Variants in TERF2IP observed in about 807,000 individuals in gnomAD.
TERF2IP encodes telomeric repeat-binding factor 2-interacting protein 1.
A neutral mutation model predicts 33.3 loss-of-function variants in TERF2IP; 35 were observed. The ratio of observed to expected loss-of-function variants is 1.05; its 90% CI spans 0.80 to 1.39. The LOEUF is 1.39. TERF2IP is among the 40% of genes most tolerant of loss of function. The pLI is 0.00. For synonymous variants in TERF2IP, 253 were observed against 223.2 expected (o/e 1.13, Z -1.19); for missense variants, 583 against 524.8 (o/e 1.11, Z -1.08).
chr16:75,648,228 GGGGCCCTGGCCGA>G lies in TERF2IP; in HGVS notation c.351_363del (p.Leu118ProfsTer21). 1 of 1,544,814 alleles carries G rather than the reference GGGGCCCTGGCCGA, an allele frequency of 6.5e-7. No homozygotes were observed. Among genetic ancestry groups the G allele is most frequent in the Non-Finnish European group, 8.7e-7 (1 of 1,145,566 alleles). On this transcript the variant is annotated frameshift_variant, in exon 1 of 3. Transcript: ENST00000300086. LOFTEE classifies it high-confidence loss of function. The stretch of plus-strand genomic sequence containing the variant: ...GGACACCGGCTCGGAAGCAAAGCCC[GGGGCCCTGGCCGA>G]GGGCGCCGCGGAGCCGGAGCCGCAG...
intron 2 of TERF2IP, among the ~76,000 whole-genome samples, chr16:75,654,857 T>C (rs1365767708): frequency 6.6e-6 from 1 of 151,766 alleles, no homozygotes; most frequent in Admixed American, 6.6e-5. Flanking sequence ...GCCTCCCGAG[T>C]AGCTGGGACT....
rs1468229554 is a variant in TERF2IP at position 75,648,262 on chromosome 16, C to CGCAGCG, written c.384_389dup (p.Gln128_Arg129dup). The CGCAGCG allele has an allele frequency of 6.5e-7, 1 of 1,548,110 alleles. No individual in the cohort carries two copies. The highest frequency in any genetic ancestry group is 1.4e-5 in the African/African-American group (1 of 73,064). On this transcript the variant is annotated inframe_insertion, in exon 1 of 3. Coordinates refer to ENST00000300086, the MANE Select transcript of TERF2IP (RefSeq NM_018975.4). ...GCCGAGGGCGCCGCGGAGCCGGAGC[C>CGCAGCG]GCAGCGGCACGCCGGGCGGATCGCC...
intron 1 of TERF2IP, among the ~76,000 whole-genome samples, chr16:75,652,800 A>G (rs1326661604): frequency 6.6e-6 from 1 of 152,320 alleles, no homozygotes; most frequent in South Asian, 2.1e-4. Flanking sequence ...TTGTTGGGCA[A>G]CTGTCACCAC....
At position 75,648,501 on chromosome 16, in the gene TERF2IP, C is replaced by T; in HGVS notation, c.619C>T (p.Gln207Ter). 1 of 1,585,112 alleles carries T rather than the reference C, an allele frequency of 6.3e-7. No homozygotes were observed. Among genetic ancestry groups the T allele is most frequent in the South Asian group, 1.1e-5 (1 of 87,366 alleles). ...GGACGCGCCGGTGAGCCCCTCCTCC[C>T]AGAAGCTCAAGCGGAAGGCGGAGGA... is the stretch of plus-strand genomic sequence containing the variant. ...LGDAPVSPSS[Q>*]KLKRKAEEDP... Residue 207 changes from glutamine (Q) to a stop codon, truncating the protein, a stop_gained, in exon 1 of 3, where the codon CAG becomes TAG. Coordinates refer to ENST00000300086, the MANE Select transcript of TERF2IP (RefSeq NM_018975.4). LOFTEE classifies it high-confidence loss of function.
chr16:75,653,674 C>G (rs1472618417), intron 1 of TERF2IP, among the ~76,000 whole-genome samples: 1 of 152,154 alleles, frequency 6.6e-6, no homozygotes, highest in Non-Finnish European at 1.5e-5. Flanking sequence ...CTTGCCCAAA[C>G]TCCTGTCTTC....
At position 75,656,345 on chromosome 16, in the gene TERF2IP, G is replaced by A; in HGVS notation, c.934G>A (p.Gly312Arg). 6.2e-7 allele frequency: 1 copy of A among 1,614,084 alleles called. No homozygotes were observed. Among genetic ancestry groups the A allele is most frequent in the Non-Finnish European group, 8.5e-7 (1 of 1,179,944 alleles). ...AGAAAAAGTTTCTCAACCAGAGGTGGGAGCTGCCATTAAGATCATTCGGCA... is the reference window on the plus strand; with the variant it reads ...AGAAAAAGTTTCTCAACCAGAGGTGAGAGCTGCCATTAAGATCATTCGGCA... The part of the protein sequence containing the change: ...EEEKVSQPEV[G>R]AAIKIIRQLM... The change falls in exon 3 of 3, where the codon GGA becomes AGA. Residue 312 changes from glycine (G) to arginine (R), a missense_variant. Coordinates refer to ENST00000300086, the MANE Select transcript of TERF2IP (RefSeq NM_018975.4).
At chr16:75,649,413 G>T (rs1390281484) in intron 1 of TERF2IP, among the ~76,000 whole-genome samples, 3 of 152,012 alleles carry the variant, frequency 2.0e-5, no homozygotes, top group African/African-American at 7.2e-5. Flanking sequence ...CCGTGGCGGA[G>T]AGTTCCTGTA....
chr16:75,648,370 T>C lies in TERF2IP; in HGVS notation c.488T>C (p.Leu163Ser), dbSNP rs1190156945. 2 of 1,604,452 alleles carry C rather than the reference T, an allele frequency of 1.2e-6. No individual in the cohort carries two copies. The highest frequency in any genetic ancestry group is 3.4e-5 in the Admixed American group (2 of 58,470). Reference protein sequence around the residue: ...RSPSSVTGNALWKAMEKSSLT... With the variant: ...RSPSSVTGNASWKAMEKSSLT... ...CCCAGCTCCGTCACCGGTAACGCCT[T>C]GTGGAAAGCGATGGAGAAGAGCTCG... Residue 163 changes from leucine to serine, a missense_variant, in exon 1 of 3, where the codon TTG becomes TCG. By Grantham distance (145) the Leu-to-Ser change is moderately radical (BLOSUM62 -2). Transcript: ENST00000300086.
At chr16:75,650,852 A>G (rs1441419083) in intron 1 of TERF2IP, among the ~76,000 whole-genome samples, 1 of 152,142 alleles carries the variant, frequency 6.6e-6, no homozygotes, top group Non-Finnish European at 1.5e-5. Context: ...ACTTGCTTTT[A>G]AATCCGTGAT....
Position 75,656,653 on chromosome 16 carries a change from G to T in TERF2IP, c.*42G>T. The T allele has an allele frequency of 6.5e-7, 1 of 1,532,864 alleles. No individual in the cohort carries two copies. The highest frequency in any genetic ancestry group is 1.3e-5 in the South Asian group (1 of 77,464). 95.0% of individuals were successfully genotyped at this position (1,532,864 alleles called of 1,614,324 possible). On this transcript the variant is annotated 3_prime_UTR_variant, in exon 3 of 3. Transcript: ENST00000300086. ...AAAAGAAAAAAGTCATGGTAGGTGA[G>T]GTGGTTAAAAAAAATTGTGACCAAT... is the stretch of plus-strand genomic sequence containing the variant.
At chr16:75,650,701 A>T (rs998430453) in intron 1 of TERF2IP, among the ~76,000 whole-genome samples, 2 of 151,884 alleles carry the variant, frequency 1.3e-5, no homozygotes, top group Non-Finnish European at 2.9e-5. Flanking sequence ...ATACCTAGCT[A>T]ATTTTTGTAT....
At position 75,654,296 on chromosome 16, in the gene TERF2IP, G is replaced by C; in HGVS notation, c.694G>C (p.Asp232His). ...AGAACCACAGAATAAGAGAACTCCA[G>C]ATTTGCCTGAAGAAGAGTATGTGAA... ...SGEPQNKRTP[D>H]LPEEEYVKEE... The change falls in exon 2 of 3, where the codon GAT (aspartate) becomes CAT (histidine). Residue 232 changes from aspartate (D) to histidine (H), a missense_variant. By Grantham distance (81) the Asp-to-His change is moderately conservative. Transcript: ENST00000300086. 6.2e-7 allele frequency: 1 copy of C among 1,613,670 alleles called. No homozygotes were observed. The highest frequency in any genetic ancestry group is 2.2e-5 in the East Asian group (1 of 44,856).
At chr16:75,652,522 C>T (rs1019711595) in intron 1 of TERF2IP, among the ~76,000 whole-genome samples, 2 of 152,182 alleles carry the variant, frequency 1.3e-5, no homozygotes, top group African/African-American at 4.8e-5. Context: ...TACTTTTCAT[C>T]CCAACTTCCT....
At chr16:75,654,431 C>T in intron 2 of TERF2IP, 34 bp downstream of exon 2, 1 of 1,600,278 alleles carries the variant, frequency 6.2e-7, no homozygotes, top group Non-Finnish European at 8.5e-7. Context: ...TATTTTTTTC[C>T]CTACCTTCAT....
Position 75,656,652 on chromosome 16 carries a change from A to T in TERF2IP, c.*41A>T, listed in dbSNP as rs1174441055. 6.5e-7 allele frequency: 1 copy of T among 1,533,808 alleles called. No individual in the cohort carries two copies. The highest frequency in any genetic ancestry group is 1.4e-5 in the African/African-American group (1 of 71,916). ...GAAAAGAAAAAAGTCATGGTAGGTG[A>T]GGTGGTTAAAAAAAATTGTGACCAA... On this transcript the variant is annotated 3_prime_UTR_variant, in exon 3 of 3. Coordinates refer to ENST00000300086, the MANE Select transcript of TERF2IP (RefSeq NM_018975.4).
Position 75,656,329 on chromosome 16 carries a change from T to C in TERF2IP, c.918T>C (p.Val306=), listed in dbSNP as rs1280915634. 1.2e-6 allele frequency: 2 copies of C among 1,613,916 alleles called. No individual in the cohort carries two copies. Among genetic ancestry groups the C allele is most frequent in the Admixed American group, 1.7e-5 (1 of 59,992 alleles). Residue 306 remains valine, a synonymous_variant, in exon 3 of 3, where the codon GTT becomes GTC. Coordinates refer to ENST00000300086, the MANE Select transcript of TERF2IP (RefSeq NM_018975.4). The stretch of plus-strand genomic sequence containing the variant: ...AGGAAGAAGAAGAAGAAGAAAAAGT[T>C]TCTCAACCAGAGGTGGGAGCTGCCA... ...DEEEEEEEEK[V]SQPEVGAAIK... is the part of the protein sequence containing the mutation.
At chr16:75,652,110 T>C (rs1004410086) in intron 1 of TERF2IP, among the ~76,000 whole-genome samples, 1 of 152,232 alleles carries the variant, frequency 6.6e-6, no homozygotes, top group East Asian at 1.9e-4. Context: ...CCCGTAGATA[T>C]ACTCAGAGTA....
Position 75,657,318 on chromosome 16 carries a change from T to TA in TERF2IP, c.*708dup. ...GAATAATGTTACTTGGTTAATGTGT[T>TA]ATTTATTGAGTATTGTTTGTGCTAA... On this transcript the variant is annotated 3_prime_UTR_variant, in exon 3 of 3. Coordinates refer to ENST00000300086, the MANE Select transcript of TERF2IP (RefSeq NM_018975.4). The TA allele has an allele frequency of 6.6e-6, 1 of 152,348 alleles. No homozygotes were observed. The highest frequency in any genetic ancestry group is 2.4e-5 in the African/African-American group (1 of 41,576). The allele number at this position is 152,348 out of a possible 1,614,324, so 9.4% of individuals were successfully genotyped here. A position where few individuals can be genotyped will look rare whatever the true frequency, so the allele number is the denominator to read the frequency against.
chr16:75,651,913 TTATC>T (rs201947602), intron 1 of TERF2IP, among the ~76,000 whole-genome samples: 1,847 of 152,290 alleles, frequency 0.012, 41 homozygotes, highest in African/African-American at 0.042. Flanking sequence ...ATGTTATACT[TTATC>T]TATAAGATTG....
Sources: gnomAD v4.1 joint callset for allele counts (sites outside exome capture counted in the v4.1 genomes callset) on GRCh38, gnomAD v4.1.1 for gene constraint, MANE v1.5 for transcripts, NCBI Gene and HGNC (gene_info 2026-07-23, HGNC 2026-07-21) for gene names.